EGF: variants seen among roughly 807,000 people sequenced by gnomAD.
EGF encodes the protein epidermal growth factor.
A neutral mutation model predicts 143.8 loss-of-function variants in EGF; 95 were observed. That is an observed-to-expected ratio of 0.66 (90% CI 0.56 to 0.78). The LOEUF is 0.78. Ranked by LOEUF, EGF falls within the 30% of genes least tolerant of loss-of-function variation. The probability of loss-of-function intolerance (pLI) is 0.00; values close to 1 mark genes in which losing one functional copy is unlikely to be tolerated. For synonymous variants in EGF, 510 were observed against 510.5 expected (o/e 1.00, Z 0.01); for missense variants, 1,320 against 1,470.9 (o/e 0.90, Z 1.68).
At chr4:109,980,720 C>G in intron 14 of EGF, 106 bp from the exon 15 acceptor site, 2 of 1,265,054 alleles carry the variant, frequency 1.6e-6, no homozygotes, top group Non-Finnish European at 2.3e-6. Flanking sequence ...CACTGCATTT[C>G]TCTCCCTAAA....
chr4:109,919,310 TC>T lies in EGF; in HGVS notation c.127+5849del, dbSNP rs1560623105. On this transcript the variant is annotated intron_variant, in intron 1 of 23. Transcript: ENST00000265171. The stretch of plus-strand genomic sequence containing the variant: ...CTGTCTCTCTCTCTCTCTCTCTCTC[TC>T]TCTCTCTCTCTCTCTCTCTCTCTCT... Among the ~76,000 whole-genome samples the T allele has an allele frequency of 1.0e-3, 149 of 146,432 alleles. 1 individual carries two copies. Among genetic ancestry groups the T allele is most frequent in the African/African-American group, 3.4e-3 (130 of 38,282 alleles).
In EGF at chr4:109,913,147, C is replaced by A; in HGVS notation, c.-189C>A. ...TCCTGTGGCTTCCCTTGGCAGGCTG[C>A]ATTCAGAAGGTCTCTCAGTTGAAGA... is the stretch of plus-strand genomic sequence containing the variant. On this transcript the variant is annotated 5_prime_UTR_variant, in exon 1 of 24. Transcript: ENST00000265171. 1.7e-6 allele frequency: 1 copy of A among 605,600 alleles called. No individual in the cohort carries two copies. The highest frequency in any genetic ancestry group is 2.9e-6 in the Non-Finnish European group (1 of 348,442). 37.5% of individuals were successfully genotyped at this position (605,600 alleles called of 1,614,324 possible).
At chr4:109,945,316 TC>T in intron 5 of EGF, 41 bp downstream of exon 5, 1 of 1,587,714 alleles carries the variant, frequency 6.3e-7, no homozygotes, top group Non-Finnish European at 8.6e-7. Context: ...GACACATAGT[TC>T]CCACCCATTC....
chr4:109,999,580 G>A (rs1752277786), intron 20 of EGF, 99 bp from the exon 21 acceptor site: 2 of 1,478,748 alleles, frequency 1.4e-6, no homozygotes, highest in Non-Finnish European at 1.9e-6. Flanking sequence ...GCTGAGTCTG[G>A]AAATGCAGAG....
intron 17 of EGF, 105 bp downstream of exon 17, chr4:109,987,965 G>A: frequency 1.1e-6 from 1 of 900,528 alleles, no homozygotes; most frequent in Non-Finnish European, 1.9e-6. Context: ...GTAATCAGCA[G>A]ATTTGAATAA....
intron 16 of EGF, among the ~76,000 whole-genome samples, chr4:109,986,639 G>A (rs1750158689): frequency 1.3e-5 from 2 of 151,970 alleles, no homozygotes; most frequent in South Asian, 2.1e-4. Context: ...GCTTACCAGT[G>A]AATAGACAGA....
At chr4:109,957,724 C>T (rs2126047865) in intron 5 of EGF, among the ~76,000 whole-genome samples, 1 of 152,330 alleles carries the variant, frequency 6.6e-6, no homozygotes, top group African/African-American at 2.4e-5. Context: ...TCCTTCCCAG[C>T]AATGGTGGTG....
intron 1 of EGF, among the ~76,000 whole-genome samples, 157 bp downstream of exon 1, chr4:109,913,619 T>G (rs1378087964): frequency 6.6e-6 from 1 of 152,236 alleles, no homozygotes; most frequent in Non-Finnish European, 1.5e-5. Context: ...ATTTTCTTAC[T>G]GGCCATTAGA....
At chr4:109,934,812 A>G (rs1740463742) in intron 1 of EGF, among the ~76,000 whole-genome samples, 1 of 152,202 alleles carries the variant, frequency 6.6e-6, no homozygotes, top group Non-Finnish European at 1.5e-5. Flanking sequence ...CGTTTATTAA[A>G]AAGGGAATCC....
At chr4:110,009,541 A>G (rs1181212230) in intron 23 of EGF, among the ~76,000 whole-genome samples, 2 of 152,198 alleles carry the variant, frequency 1.3e-5, no homozygotes, top group African/African-American at 4.8e-5. Flanking sequence ...CTGAGTACTC[A>G]GGAATATATT....
chr4:109,938,891 G>A (rs996457092), intron 1 of EGF, among the ~76,000 whole-genome samples: 1 of 152,196 alleles, frequency 6.6e-6, no homozygotes, highest in Non-Finnish European at 1.5e-5. Context: ...TCCTCTGGAA[G>A]CTTTGTCCCA....
chr4:109,935,661 G>T (rs531736979), intron 1 of EGF, among the ~76,000 whole-genome samples: 1 of 152,040 alleles, frequency 6.6e-6, no homozygotes, highest in South Asian at 2.1e-4. Context: ...TCCTGTTTTC[G>T]CCCATTCAGT....
chr4:109,917,613 G>T (rs1158155274), intron 1 of EGF, among the ~76,000 whole-genome samples: 1 of 151,848 alleles, frequency 6.6e-6, no homozygotes, highest in South Asian at 2.1e-4. Context: ...GTGATCAGTT[G>T]GTTTTTTATT....
At chr4:109,994,431 G>A (rs1362799593) in intron 19 of EGF, among the ~76,000 whole-genome samples, 2 of 152,130 alleles carry the variant, frequency 1.3e-5, no homozygotes, top group African/African-American at 2.4e-5. Flanking sequence ...GTGTGTGACA[G>A]GTTTGTTTTT....
chr4:110,009,916 G>T (rs1252509389), intron 23 of EGF, among the ~76,000 whole-genome samples: 3 of 152,082 alleles, frequency 2.0e-5, no homozygotes, highest in Non-Finnish European at 4.4e-5. Context: ...ACTATGCCAG[G>T]GGAAAAGAAA....
At position 109,941,139 on chromosome 4, in the gene EGF, G is replaced by A. The variant is rs769101767; in HGVS notation, c.321G>A (p.Arg107=). The change falls in exon 2 of 24, where the codon AGG becomes AGA. Residue 107 remains arginine (R), a synonymous_variant. Transcript: ENST00000265171. ...LLQRVFLNGS[R]QERVCNIEKN... ...AAAGAGTTTTTCTGAATGGGTCAAG[G>A]CAAGAGGTAAAATACCCTTACCTAC... 1.4e-5 allele frequency: 22 copies of A among 1,613,822 alleles called. No homozygotes were observed. Among genetic ancestry groups the A allele is most frequent in the Non-Finnish European group, 1.9e-5 (22 of 1,179,876 alleles).
chr4:109,978,496 C>T (rs966825012), intron 13 of EGF, among the ~76,000 whole-genome samples: 12 of 152,018 alleles, frequency 7.9e-5, no homozygotes, highest in African/African-American at 2.7e-4. Context: ...CAAAAAGACA[C>T]GTACTGTACA....
At chr4:109,949,232 C>G (rs1398252159) in intron 5 of EGF, among the ~76,000 whole-genome samples, 6 of 151,994 alleles carry the variant, frequency 3.9e-5, no homozygotes, top group Admixed American at 3.3e-4. Flanking sequence ...CCATGCCCAG[C>G]TAATTTGTAT....
intron 1 of EGF, 64 bp downstream of exon 1, chr4:109,913,526 T>G: frequency 1.3e-6 from 2 of 1,591,730 alleles, no homozygotes; most frequent in South Asian, 2.3e-5. Context: ...CCCTGTTGGT[T>G]CAATCTGGTA....
Sources: allele counts gnomAD v4.1 joint callset (sites outside exome capture counted in the v4.1 genomes callset), GRCh38; gene constraint gnomAD v4.1.1; transcripts MANE v1.5; gene names NCBI Gene and HGNC (gene_info 2026-07-23, HGNC 2026-07-21).